Variants in GRIK2 observed in about 807,000 individuals in gnomAD.
GRIK2 encodes glutamate ionotropic receptor kainate type subunit 2.
GRIK2 carries 32 observed loss-of-function variants against 100.3 expected under a neutral mutation model. The ratio of observed to expected loss-of-function variants is 0.32; its 90% CI spans 0.24 to 0.43. The LOEUF (loss-of-function observed/expected upper bound fraction) is 0.43. GRIK2 is among the 20% of genes least tolerant of loss of function. The probability of loss-of-function intolerance (pLI) is 1.00; values close to 1 mark genes in which losing one functional copy is unlikely to be tolerated. For synonymous variants in GRIK2, 417 were observed against 389.4 expected (o/e 1.07, Z -0.83); for missense variants, 843 against 1,114.9 (o/e 0.76, Z 3.47).
chr6:101,478,932 T>C (rs373468786), intron 2 of GRIK2, among the ~76,000 whole-genome samples: 20 of 152,166 alleles, frequency 1.3e-4, no homozygotes, highest in East Asian at 5.8e-4. Context: ...TTTTCAGACA[T>C]GTATTGGCAT....
intron 9 of GRIK2, 34 bp from the exon 10 acceptor site, chr6:101,818,336 G>T (rs1339005314): frequency 8.3e-7 from 1 of 1,200,354 alleles, no homozygotes; most frequent in African/African-American, 1.5e-5. Context: ...CGTGCCTGAT[G>T]GACAATTTAC....
At chr6:101,673,681 CCT>C (rs1317312236) in intron 4 of GRIK2, among the ~76,000 whole-genome samples, 10 of 152,106 alleles carry the variant, frequency 6.6e-5, no homozygotes. Context: ...AATAATTTCC[CCT>C]GAGTCCTCCC....
intron 11 of GRIK2, among the ~76,000 whole-genome samples, chr6:101,875,704 T>C (rs1444720636): frequency 6.6e-6 from 1 of 151,864 alleles, no homozygotes; most frequent in African/African-American, 2.4e-5. Context: ...ATAAGCTTTA[T>C]TTCTCTTTAT....
intron 11 of GRIK2, among the ~76,000 whole-genome samples, chr6:101,871,666 A>T (rs888220550): frequency 7.4e-6 from 1 of 135,522 alleles, no homozygotes; most frequent in Non-Finnish European, 1.6e-5. Flanking sequence ...CGCTTAGGAT[A>T]ATGGCCTCCA....
intron 2 of GRIK2, among the ~76,000 whole-genome samples, chr6:101,425,970 G>A (rs1776678674): frequency 6.6e-6 from 1 of 152,126 alleles, no homozygotes; most frequent in Non-Finnish European, 1.5e-5. Flanking sequence ...CCTTTTTGTT[G>A]TTGTTGATGG....
At chr6:101,605,393 C>T (rs538701109) in intron 2 of GRIK2, among the ~76,000 whole-genome samples, 2 of 152,050 alleles carry the variant, frequency 1.3e-5, no homozygotes, top group South Asian at 4.1e-4. Context: ...TCTTACTTTC[C>T]TCCTTCTCTT....
chr6:101,475,124 C>T (rs1355633006), intron 2 of GRIK2, among the ~76,000 whole-genome samples: 1 of 151,830 alleles, frequency 6.6e-6, no homozygotes, highest in East Asian at 1.9e-4. Context: ...TTCTTATCTG[C>T]TTTCCCTGAC....
At chr6:101,411,032 A>G (rs1244780347) in intron 2 of GRIK2, among the ~76,000 whole-genome samples, 2 of 152,066 alleles carry the variant, frequency 1.3e-5, no homozygotes, top group Non-Finnish European at 2.9e-5. Flanking sequence ...GGATGTTGGA[A>G]TATATGAAGA....
intron 2 of GRIK2, among the ~76,000 whole-genome samples, chr6:101,419,217 T>C (rs1186135202): frequency 6.6e-6 from 1 of 152,222 alleles, no homozygotes; most frequent in African/African-American, 2.4e-5. Context: ...CCCATGGATG[T>C]AGGACCTATT....
At chr6:101,677,567 G>T (rs1373264654) in intron 5 of GRIK2, among the ~76,000 whole-genome samples, 2 of 152,064 alleles carry the variant, frequency 1.3e-5, no homozygotes, top group Non-Finnish European at 2.9e-5. Flanking sequence ...TACAGATGAA[G>T]GAACTGAAGT....
intron 14 of GRIK2, among the ~76,000 whole-genome samples, chr6:101,986,777 G>A (rs1794036871): frequency 6.6e-6 from 1 of 151,746 alleles, no homozygotes; most frequent in South Asian, 2.1e-4. Context: ...GCACTCACTG[G>A]TTGACTAAGT....
At chr6:101,412,853 A>T (rs1775946968) in intron 2 of GRIK2, among the ~76,000 whole-genome samples, 1 of 152,004 alleles carries the variant, frequency 6.6e-6, no homozygotes, top group Admixed American at 6.5e-5. Context: ...GGATAAATTG[A>T]TATACGTAAA....
chr6:101,430,007 C>T (rs1251192616), intron 2 of GRIK2, among the ~76,000 whole-genome samples: 1 of 152,178 alleles, frequency 6.6e-6, no homozygotes, highest in African/African-American at 2.4e-5. Context: ...ACAGAAACAA[C>T]TGGTTCAGGA....
intron 12 of GRIK2, among the ~76,000 whole-genome samples, chr6:101,893,405 A>G (rs1226473753): frequency 6.6e-6 from 1 of 151,700 alleles, no homozygotes; most frequent in Non-Finnish European, 1.5e-5. Context: ...AATCTACATA[A>G]TATTAACTGT....
intron 7 of GRIK2, among the ~76,000 whole-genome samples, chr6:101,755,418 C>T (rs143419253): frequency 0.01 from 1,532 of 152,150 alleles, 34 homozygotes; most frequent in African/African-American, 0.035. Flanking sequence ...CCGCCTGCCT[C>T]GGCCTCCCAA....
At chr6:102,068,161 A>G (rs970616281) in intron 16 of GRIK2, among the ~76,000 whole-genome samples, 186 bp from the exon 17 acceptor site, 4 of 151,904 alleles carry the variant, frequency 2.6e-5, no homozygotes, top group African/African-American at 9.7e-5. Flanking sequence ...CCACTTTTAT[A>G]GAATATTTTA....
intron 7 of GRIK2, among the ~76,000 whole-genome samples, chr6:101,725,830 T>C (rs1774825363): frequency 6.6e-6 from 1 of 152,026 alleles, no homozygotes; most frequent in Non-Finnish European, 1.5e-5. Context: ...AATGACATAT[T>C]GTGTTCACCT....
chr6:102,022,606 C>T (rs971157228), intron 14 of GRIK2, among the ~76,000 whole-genome samples: 21 of 151,614 alleles, frequency 1.4e-4, no homozygotes, highest in African/African-American at 4.8e-4. Context: ...TTTCCTTCAG[C>T]TATTCTATAA....
intron 2 of GRIK2, among the ~76,000 whole-genome samples, chr6:101,616,962 A>C (rs1779919916): frequency 6.6e-6 from 1 of 151,190 alleles, no homozygotes; most frequent in Non-Finnish European, 1.5e-5. Context: ...TAGTTTTTTT[A>C]TTGAATATAT....
Sources: gnomAD v4.1 joint callset for allele counts (sites outside exome capture counted in the v4.1 genomes callset) on GRCh38, gnomAD v4.1.1 for gene constraint, MANE v1.5 for transcripts, NCBI Gene and HGNC (gene_info 2026-07-23, HGNC 2026-07-21) for gene names.